Variants in ZFPM1 observed in about 807,000 individuals in gnomAD.
The protein encoded by ZFPM1 is zinc finger protein, FOG family member 1.
A neutral mutation model predicts 46.3 loss-of-function variants in ZFPM1; 28 were observed. That is an observed-to-expected ratio of 0.60 (90% CI 0.45 to 0.83). The LOEUF (loss-of-function observed/expected upper bound fraction) is 0.83, where lower values mean the gene tolerates loss of function less well. Ranked by LOEUF, ZFPM1 falls within the 40% of genes least tolerant of loss-of-function variation. ZFPM1 has a pLI of 0.00. For missense variants in ZFPM1, 1,878 were observed against 1,432.4 expected (o/e 1.31, Z -5.02); for synonymous variants, 957 against 675.9 (o/e 1.42, Z -6.45).
At chr16:88,513,733 TCCAAGTC>T (rs921922698) in intron 3 of ZFPM1, among the ~76,000 whole-genome samples, 1 of 152,104 alleles carries the variant, frequency 6.6e-6, no homozygotes, top group African/African-American at 2.4e-5. Flanking sequence ...GCCCGGAGGC[TCCAAGTC>T]CCAAGTCCAA....
At chr16:88,479,263 C>T (rs561429095) in intron 1 of ZFPM1, among the ~76,000 whole-genome samples, 5 of 152,168 alleles carry the variant, frequency 3.3e-5, no homozygotes, top group Non-Finnish European at 5.9e-5. Context: ...GGCTGGGCTG[C>T]TGCTACCACT....
intron 3 of ZFPM1, among the ~76,000 whole-genome samples, chr16:88,506,727 G>A (rs1910681727): frequency 6.6e-6 from 1 of 152,088 alleles, no homozygotes; most frequent in African/African-American, 2.4e-5. Context: ...CCCAGACCCA[G>A]CCCTCCTGCA....
rs549278529 is a variant in ZFPM1, at chr16:88,469,215, C to A, written c.40+15537C>A. 6.6e-6 allele frequency among the ~76,000 whole-genome samples: 1 copy of A among 152,218 alleles called. No homozygotes were observed. Among genetic ancestry groups the A allele is most frequent in the African/African-American group, 2.4e-5 (1 of 41,460 alleles). On this transcript the variant is annotated intron_variant, in intron 1 of 9. Coordinates refer to ENST00000319555, the MANE Select transcript of ZFPM1 (RefSeq NM_153813.3). The surrounding 1 kb of genome is among the most constrained non-coding windows in gnomAD (Gnocchi z 4.3). ...CCCTCTCCCCGCGCTGACTTCCATC[C>A]GGAACCTCATTCTGCCAAGCTTCTG...
intron 3 of ZFPM1, among the ~76,000 whole-genome samples, chr16:88,495,066 G>A (rs552723776): frequency 6.6e-5 from 10 of 152,332 alleles, no homozygotes; most frequent in African/African-American, 1.7e-4. Context: ...CTGCAGGCCC[G>A]TCCCATCGTG....
chr16:88,468,629 A>T (rs1273036479), intron 1 of ZFPM1, among the ~76,000 whole-genome samples: 1 of 151,752 alleles, frequency 6.6e-6, no homozygotes, highest in Non-Finnish European at 1.5e-5. Context: ...CAGCTTTCTG[A>T]CCCTAGACTT....
At chr16:88,519,940 T>C (rs571944285) in intron 4 of ZFPM1, among the ~76,000 whole-genome samples, 3 of 139,826 alleles carry the variant, frequency 2.1e-5, no homozygotes, top group African/African-American at 8.0e-5. Flanking sequence ...GATGAGTGGA[T>C]GGATGGATGA....
chr16:88,508,898 C>T (rs1269917876), intron 3 of ZFPM1, among the ~76,000 whole-genome samples: 1 of 152,184 alleles, frequency 6.6e-6, no homozygotes, highest in Non-Finnish European at 1.5e-5. Flanking sequence ...AGGGGCCCCG[C>T]GGGGTTTGCC....
chr16:88,526,810 C>CTG lies in ZFPM1; in HGVS notation c.403-4_403-3insTG. 3 of 1,545,810 alleles carry CTG rather than the reference C, an allele frequency of 1.9e-6. No individual in the cohort carries two copies. Among genetic ancestry groups the CTG allele is most frequent in the African/African-American group, 1.4e-5 (1 of 73,064 alleles). Reference sequence around the variant, plus strand: ...CCCCACGTGTTCCTACCCTCCCCCCCCAGAGCCCAGCCCTGACCCTGCTGC... The same window carrying CTG: ...CCCCACGTGTTCCTACCCTCCCCCCCTGCAGAGCCCAGCCCTGACCCTGCTGC... On this transcript the variant is annotated splice_polypyrimidine_tract_variant and splice_region_variant and intron_variant, in intron 4 of 9. Coordinates refer to ENST00000319555, the MANE Select transcript of ZFPM1 (RefSeq NM_153813.3).
chr16:88,501,068 G>A (rs111243066), intron 3 of ZFPM1, among the ~76,000 whole-genome samples: 2,774 of 141,804 alleles, frequency 0.02, 37 homozygotes, highest in Middle Eastern at 0.067. Flanking sequence ...TGGAGGTAGC[G>A]GTCATGGATG....
At chr16:88,502,183 G>C (rs1185917783) in intron 3 of ZFPM1, among the ~76,000 whole-genome samples, 1 of 151,988 alleles carries the variant, frequency 6.6e-6, no homozygotes, top group African/African-American at 2.4e-5. Flanking sequence ...CGTGGACGCA[G>C]CTGATAAGAT....
chr16:88,506,543 G>C (rs192029922), intron 3 of ZFPM1, among the ~76,000 whole-genome samples: 1 of 152,182 alleles, frequency 6.6e-6, no homozygotes, highest in Non-Finnish European at 1.5e-5. Flanking sequence ...GTGTGCGTCC[G>C]CAGAGTGGTG....
Position 88,534,005 on chromosome 16 carries a change from A to G in ZFPM1, c.2047A>G (p.Thr683Ala). The change falls in exon 10 of 10, where the codon ACG becomes GCG. Residue 683 changes from threonine to alanine, a missense_variant. By Grantham distance (58) the Thr-to-Ala change is moderately conservative (BLOSUM62 0). Coordinates refer to ENST00000319555, the MANE Select transcript of ZFPM1 (RefSeq NM_153813.3). Reference protein sequence around the residue: ...VDDAEDDPSRTLCEACNIRFS... With the variant: ...VDDAEDDPSRALCEACNIRFS... ...CGACGCGGAGGACGACCCCAGCCGC[A>G]CGCTGTGCGAGGCCTGCAACATCCG... 1 of 1,365,126 alleles carries G rather than the reference A, an allele frequency of 7.3e-7. No homozygotes were observed. Among genetic ancestry groups the G allele is most frequent in the Non-Finnish European group, 9.6e-7 (1 of 1,042,940 alleles). The allele number at this position is 1,365,126 out of a possible 1,614,324, so 84.6% of individuals were successfully genotyped here. A position where few individuals can be genotyped will look rare whatever the true frequency, so the allele number is the denominator to read the frequency against.
At chr16:88,523,620 G>A (rs935893383) in intron 4 of ZFPM1, among the ~76,000 whole-genome samples, 5 of 152,226 alleles carry the variant, frequency 3.3e-5, no homozygotes, top group Admixed American at 6.5e-5. Context: ...GTGTCAGGGT[G>A]GCCCCTGCAT....
chr16:88,465,410 C>G (rs1057142872), intron 1 of ZFPM1, among the ~76,000 whole-genome samples: 1 of 152,250 alleles, frequency 6.6e-6, no homozygotes. Context: ...GAAGTCTGGG[C>G]CTGGCTGGCT....
At chr16:88,461,150 C>T (rs1317217685) in intron 1 of ZFPM1, among the ~76,000 whole-genome samples, 3 of 51,020 alleles carry the variant, frequency 5.9e-5, no homozygotes, top group African/African-American at 2.3e-4. Context: ...TGGTGAGGAC[C>T]GAGGGGCGGG....
chr16:88,501,221 G>A lies in ZFPM1; in HGVS notation c.268+12068G>A, dbSNP rs367786743. Among the ~76,000 whole-genome samples, 511 of 79,786 alleles carry A rather than the reference G, an allele frequency of 6.4e-3. 18 individuals carry two copies. The highest frequency in any genetic ancestry group is 8.0e-3 in the African/African-American group (134 of 16,658). The allele number at this position is 79,786 out of a possible 152,430, so 52.3% of individuals were successfully genotyped here. ...AGGTGCTGGTGATGATGGAGATAGC[G>A]GGTGTGGGTGCATGGGCTCTCCCGC... On this transcript the variant is annotated intron_variant, in intron 3 of 9. Coordinates refer to ENST00000319555, the MANE Select transcript of ZFPM1 (RefSeq NM_153813.3).
chr16:88,454,776 C>T (rs1229760911), intron 1 of ZFPM1, among the ~76,000 whole-genome samples: 1 of 152,234 alleles, frequency 6.6e-6, no homozygotes, highest in South Asian at 2.1e-4. Context: ...GGCGCCTCCC[C>T]GGAGCCTGAC....
chr16:88,489,913 G>T (rs980844372), intron 3 of ZFPM1, among the ~76,000 whole-genome samples: 1 of 150,408 alleles, frequency 6.6e-6, no homozygotes, highest in Non-Finnish European at 1.5e-5. Context: ...GGCCAAGGCC[G>T]TCATGGGAGC....
intron 1 of ZFPM1, chr16:88,468,988 A>C (rs1908291271): frequency 6.5e-6 from 1 of 154,172 alleles, no homozygotes; most frequent in Non-Finnish European, 1.5e-5. Flanking sequence ...ATGACCTGCC[A>C]ACCGTCAGAG....
Sources: allele counts gnomAD v4.1 joint callset (sites outside exome capture counted in the v4.1 genomes callset), GRCh38; gene constraint gnomAD v4.1.1; non-coding constraint Gnocchi (gnomAD v3.1); transcripts MANE v1.5; gene names NCBI Gene and HGNC (gene_info 2026-07-23, HGNC 2026-07-21).